RNF150: variants seen among roughly 807,000 people sequenced by gnomAD.
The protein encoded by RNF150 is ring finger protein 150.
In RNF150, 24 loss-of-function variants were observed where a neutral mutation model predicts 39.3. That is an observed-to-expected ratio of 0.61 (90% CI 0.44 to 0.86). RNF150 has a LOEUF of 0.86. Among genes scored for constraint, RNF150 ranks in the 40% least tolerant of loss-of-function variants. The pLI, the probability that RNF150 is intolerant of heterozygous loss-of-function variation, is 0.00. For missense variants in RNF150, 502 were observed against 587.8 expected (o/e 0.85, Z 1.51); for synonymous variants, 255 against 227.3 (o/e 1.12, Z -1.10).
chr4:140,918,316 G>C lies in RNF150; in HGVS notation c.988-6962C>G, dbSNP rs142768571. Among the ~76,000 whole-genome samples, 1,013 of 152,212 alleles carry C rather than the reference G, an allele frequency of 6.7e-3. 11 individuals are homozygous for C. Among genetic ancestry groups the C allele is most frequent in the African/African-American group, 0.018 (749 of 41,544 alleles). ...CTAGCAAGACGAATAAAGAAAAAAA[G>C]AGAGAAGAATCAAATAGACGCAATA... On this transcript the variant is annotated intron_variant, in intron 5 of 6. Coordinates refer to ENST00000515673, the MANE Select transcript of RNF150 (RefSeq NM_020724.2).
chr4:141,045,419 G>T (rs1736535053), intron 1 of RNF150, among the ~76,000 whole-genome samples: 1 of 152,106 alleles, frequency 6.6e-6, no homozygotes, highest in Non-Finnish European at 1.5e-5. Flanking sequence ...TATAAGTAAG[G>T]TCCCTGATTT....
chr4:140,904,303 T>C (rs1560957218), intron 6 of RNF150, among the ~76,000 whole-genome samples: 1 of 152,218 alleles, frequency 6.6e-6, no homozygotes, highest in African/African-American at 2.4e-5. Context: ...AACTATTTCC[T>C]GAAGGGAAGA....
At position 141,043,953 on chromosome 4, in the gene RNF150, G is replaced by A. The variant is rs572242196; in HGVS notation, c.485-76080C>T. On this transcript the variant is annotated intron_variant, in intron 1 of 6. Transcript: ENST00000515673. ...GAGAATCCAAGGAACTAATATTGAT[G>A]AAGCACTTAGGTTCTTTATATACAT... Among the ~76,000 whole-genome samples the A allele has an allele frequency of 6.0e-4, 91 of 152,248 alleles. 2 individuals carry two copies. In the South Asian group the frequency reaches 0.018, roughly 31 times the overall value.
At chr4:140,925,132 G>A (rs182991075) in intron 5 of RNF150, among the ~76,000 whole-genome samples, 62 of 152,278 alleles carry the variant, frequency 4.1e-4, no homozygotes, top group Middle Eastern at 3.4e-3. Context: ...TCTGCATTTC[G>A]TTTGTCTGAC....
intron 1 of RNF150, among the ~76,000 whole-genome samples, chr4:140,990,485 T>A (rs1458816568): frequency 2.0e-5 from 3 of 152,040 alleles, no homozygotes; most frequent in Non-Finnish European, 4.4e-5. Flanking sequence ...CCTAATGCTA[T>A]CCCTCCTCAC....
intron 4 of RNF150, among the ~76,000 whole-genome samples, chr4:140,928,952 GC>G (rs1401759012): frequency 6.6e-6 from 1 of 152,178 alleles, no homozygotes; most frequent in Non-Finnish European, 1.5e-5. Flanking sequence ...CTCTGTGAGA[GC>G]AAAATCCTCG....
chr4:141,082,703 C>G (rs914045191), intron 1 of RNF150, among the ~76,000 whole-genome samples: 1 of 151,266 alleles, frequency 6.6e-6, no homozygotes. Context: ...ATTCTCCTGC[C>G]TCAGCCTCCC....
chr4:141,167,690 G>A (rs1727627432), intron 1 of RNF150, among the ~76,000 whole-genome samples: 1 of 152,008 alleles, frequency 6.6e-6, no homozygotes, highest in Non-Finnish European at 1.5e-5. Flanking sequence ...GAAACAATGG[G>A]GAAAAAATTC....
intron 1 of RNF150, among the ~76,000 whole-genome samples, chr4:141,174,133 G>T (rs770521452): frequency 6.6e-6 from 1 of 152,194 alleles, no homozygotes; most frequent in Non-Finnish European, 1.5e-5. Context: ...CCAAAATAAA[G>T]TTACATTTCC....
chr4:140,861,567 T>C lies in RNF150; in HGVS notation c.*6694A>G, dbSNP rs552169836. On this transcript the variant is annotated 3_prime_UTR_variant, in exon 7 of 7. Transcript: ENST00000515673. ...GCAGAGGGCACTCTGCTCCTTGCAA[T>C]AACATCCTACTGAACAGTAAGTACC... 1 of 152,336 alleles carries C rather than the reference T, an allele frequency of 6.6e-6. No homozygotes were observed. Among genetic ancestry groups the C allele is most frequent in the Admixed American group, 6.5e-5 (1 of 15,300 alleles). 9.4% of individuals were successfully genotyped at this position (152,336 alleles called of 1,614,324 possible).
In RNF150 at chr4:141,128,111, T is replaced by G. The variant is rs547655567; in HGVS notation, c.484+4214A>C. Among the ~76,000 whole-genome samples the G allele has an allele frequency of 4.0e-3, 602 of 152,284 alleles. 3 individuals are homozygous for G. The highest frequency in any genetic ancestry group is 5.1e-3 in the Non-Finnish European group (345 of 68,012). The stretch of plus-strand genomic sequence containing the variant: ...ATGAAAGGGTAAATAAGGAGTTCTT[T>G]CCCAAGGCTGCCAGGAACTCAGTGA... On this transcript the variant is annotated intron_variant, in intron 1 of 6. Transcript: ENST00000515673.
rs905274998 is a variant in RNF150 at position 141,061,150 on chromosome 4, T to TA, written c.484+71174dup. On this transcript the variant is annotated intron_variant, in intron 1 of 6. Transcript: ENST00000515673. ...GTTAAAGTATAATAATAAAAAAAAG[T>TA]AAAAAAAAAAGATATTAAAAACCCA... Among the ~76,000 whole-genome samples the TA allele has an allele frequency of 1.0e-3, 151 of 147,164 alleles. 1 individual carries two copies. Among genetic ancestry groups the TA allele is most frequent in the South Asian group, 3.7e-3 (17 of 4,618 alleles).
At position 140,859,856 on chromosome 4, in the gene RNF150, A is replaced by G. The variant is rs188674462; in HGVS notation, c.*8405T>C. 1 of 152,326 alleles carries G rather than the reference A, an allele frequency of 6.6e-6. No homozygotes were observed. The highest frequency in any genetic ancestry group is 1.5e-5 in the Non-Finnish European group (1 of 68,026). The allele number at this position is 152,326 out of a possible 1,614,324, so 9.4% of individuals were successfully genotyped here. A position where few individuals can be genotyped will look rare whatever the true frequency, so the allele number is the denominator to read the frequency against. Reference sequence around the variant, plus strand: ...AAAACCAAAAGAAATTTTGCAGTGAAATTTCCTGGAATTCACAACCCTCAT... The same window carrying G: ...AAAACCAAAAGAAATTTTGCAGTGAGATTTCCTGGAATTCACAACCCTCAT... On this transcript the variant is annotated 3_prime_UTR_variant, in exon 7 of 7. Coordinates refer to ENST00000515673, the MANE Select transcript of RNF150 (RefSeq NM_020724.2).
chr4:141,045,063 A>G (rs181525322), intron 1 of RNF150, among the ~76,000 whole-genome samples: 430 of 152,346 alleles, frequency 2.8e-3, no homozygotes, highest in African/African-American at 9.9e-3. Flanking sequence ...CATATATGTA[A>G]AAAAACTGGC....
intron 1 of RNF150, among the ~76,000 whole-genome samples, chr4:141,158,086 T>TTCAAGAGC (rs1349345444): frequency 2.0e-5 from 3 of 151,098 alleles, no homozygotes; most frequent in African/African-American, 7.3e-5. Context: ...AGGTCAGGAG[T>TTCAAGAGC]TCAAGAGCAG....
intron 1 of RNF150, among the ~76,000 whole-genome samples, chr4:141,039,335 A>AGAAGGTGGTAGAGAAAGAAAGGGGAG (rs1305467936): frequency 6.6e-6 from 1 of 151,036 alleles, no homozygotes; most frequent in Admixed American, 6.6e-5. Flanking sequence ...AACTAAGAGG[A>AGAAGGTGGTAGAGAAAGAAAGGGGAG]GAAGGTGGTA....
At chr4:141,204,127 T>G (rs1728338041) in intron 1 of RNF150, among the ~76,000 whole-genome samples, 1 of 152,170 alleles carries the variant, frequency 6.6e-6, no homozygotes. Flanking sequence ...AGAGTCCATT[T>G]GAAATAGATA....
chr4:140,897,422 T>G (rs1024676293), intron 6 of RNF150, among the ~76,000 whole-genome samples: 1 of 152,112 alleles, frequency 6.6e-6, no homozygotes, highest in Admixed American at 6.6e-5. Flanking sequence ...CTAGAAACTG[T>G]GATTGAGTAG....
chr4:140,985,259 A>G (rs1318829288), intron 1 of RNF150, among the ~76,000 whole-genome samples: 1 of 152,178 alleles, frequency 6.6e-6, no homozygotes, highest in Non-Finnish European at 1.5e-5. Flanking sequence ...AAGGAGAATC[A>G]TTCAGCATAA....
Sources: allele counts gnomAD v4.1 joint callset (sites outside exome capture counted in the v4.1 genomes callset), GRCh38; gene constraint gnomAD v4.1.1; transcripts MANE v1.5; gene names NCBI Gene and HGNC (gene_info 2026-07-23, HGNC 2026-07-21).